The following ZNF92 variants were observed in gnomAD, a reference collection of about 807,000 sequenced individuals.
The protein encoded by ZNF92 is zinc finger protein 92, also known as epididymis luminal protein 203.
ZNF92 carries 11 observed loss-of-function variants against 12.4 expected under a neutral mutation model. That is an observed-to-expected ratio of 0.89 (90% CI 0.56 to 1.47). The LOEUF is 1.47. Ranked by LOEUF, ZNF92 falls within the 40% of genes most tolerant of loss-of-function variation. ZNF92 has a pLI of 0.00. For synonymous variants in ZNF92, 206 were observed against 228.6 expected (o/e 0.90, Z 0.89); for missense variants, 622 against 681.0 (o/e 0.91, Z 0.96).
At chr7:65,390,240 A>G (rs1316155308) in intron 3 of ZNF92, among the ~76,000 whole-genome samples, 1 of 152,100 alleles carries the variant, frequency 6.6e-6, no homozygotes, top group Non-Finnish European at 1.5e-5. Context: ...ACAAACAGCA[A>G]CTTTTTACCT....
rs926845534 is a variant in ZNF92 at position 65,385,816 on chromosome 7, A to G, written c.4-2086A>G. Among the ~76,000 whole-genome samples, 2 of 152,086 alleles carry G rather than the reference A, an allele frequency of 1.3e-5. 1 individual carries two copies. Among genetic ancestry groups the G allele is most frequent in the African/African-American group, 4.8e-5 (2 of 41,392 alleles). Reference sequence around the variant, plus strand: ...ATTTCTCCAGAGAATCATCTGAGAAAGAATCCCAGAGCAGGAAGAGAAAGA... The same window carrying G: ...ATTTCTCCAGAGAATCATCTGAGAAGGAATCCCAGAGCAGGAAGAGAAAGA... On this transcript the variant is annotated intron_variant, in intron 1 of 3. Coordinates refer to ENST00000328747, the MANE Select transcript of ZNF92 (RefSeq NM_152626.4).
chr7:65,398,316 A>G (rs144277712), intron 3 of ZNF92, 25 bp from the exon 4 acceptor site: 15 of 1,491,292 alleles, frequency 1.0e-5, no homozygotes, highest in East Asian at 2.3e-5. Context: ...TAAGTGAAGT[A>G]ACTTGTTATT....
chr7:65,376,549 C>A (rs748089302), intron 1 of ZNF92, among the ~76,000 whole-genome samples: 1 of 152,056 alleles, frequency 6.6e-6, no homozygotes, highest in Non-Finnish European at 1.5e-5. Context: ...CAGGTTCAAG[C>A]GATTCTGCTG....
chr7:65,400,851 G>A lies in ZNF92; in HGVS notation c.*976G>A, dbSNP rs1793995280. ...GAGATATGAGAGATTCTTTTTTATA[G>A]GTGGGCATTATTTATGCCCCTTTCT... On this transcript the variant is annotated 3_prime_UTR_variant, in exon 4 of 4. Coordinates refer to ENST00000328747, the MANE Select transcript of ZNF92 (RefSeq NM_152626.4). 1 of 151,782 alleles carries A rather than the reference G, an allele frequency of 6.6e-6. No homozygotes were observed. The highest frequency in any genetic ancestry group is 1.5e-5 in the Non-Finnish European group (1 of 67,846). 9.4% of individuals were successfully genotyped at this position (151,782 alleles called of 1,614,324 possible).
chr7:65,395,796 C>A (rs546100129), intron 3 of ZNF92, among the ~76,000 whole-genome samples: 1 of 152,104 alleles, frequency 6.6e-6, no homozygotes, highest in Non-Finnish European at 1.5e-5. Context: ...ATTATGACTG[C>A]CTCACCCAAT....
chr7:65,394,154 G>A (rs13239774), intron 3 of ZNF92, among the ~76,000 whole-genome samples: 16,545 of 151,950 alleles, frequency 0.11, 1,126 homozygotes, highest in South Asian at 0.19. Flanking sequence ...CAAGACCAAT[G>A]TAATGTCTTT....
intron 1 of ZNF92, among the ~76,000 whole-genome samples, chr7:65,374,213 C>T (rs1431417782): frequency 6.6e-6 from 1 of 152,108 alleles, no homozygotes; most frequent in Non-Finnish European, 1.5e-5. Flanking sequence ...CTCCTCCCTG[C>T]GCAGTGACTG....
intron 3 of ZNF92, among the ~76,000 whole-genome samples, chr7:65,397,026 T>G (rs1466463319): frequency 6.6e-6 from 1 of 152,060 alleles, no homozygotes; most frequent in Non-Finnish European, 1.5e-5. Flanking sequence ...TTTTTCTATA[T>G]TCTTCTAAGA....
chr7:65,381,195 G>A (rs548204487), intron 1 of ZNF92, among the ~76,000 whole-genome samples: 2 of 151,734 alleles, frequency 1.3e-5, no homozygotes, highest in African/African-American at 4.8e-5. Flanking sequence ...ATTTTTTTTA[G>A]TAGAGACGGG....
At chr7:65,376,551 A>AT (rs1793243847) in intron 1 of ZNF92, among the ~76,000 whole-genome samples, 1 of 152,006 alleles carries the variant, frequency 6.6e-6, no homozygotes, top group South Asian at 2.1e-4. Context: ...GGTTCAAGCG[A>AT]TTCTGCTGCC....
chr7:65,380,021 C>T (rs531872345), intron 1 of ZNF92, among the ~76,000 whole-genome samples: 24 of 152,032 alleles, frequency 1.6e-4, no homozygotes, highest in African/African-American at 5.3e-4. Flanking sequence ...TGTCCTGCCA[C>T]CCTCTACCCT....
intron 1 of ZNF92, among the ~76,000 whole-genome samples, chr7:65,374,962 CGCATTA>C (rs1281549055): frequency 6.6e-6 from 1 of 152,076 alleles, no homozygotes; most frequent in African/African-American, 2.4e-5. Context: ...CTCCCTAATT[CGCATTA>C]GCAAGTGTGT....
intron 1 of ZNF92, among the ~76,000 whole-genome samples, chr7:65,380,836 C>T (rs1431751357): frequency 6.6e-6 from 1 of 151,988 alleles, no homozygotes; most frequent in Non-Finnish European, 1.5e-5. Flanking sequence ...TTCTCTTTAC[C>T]CTGCAACTTT....
In ZNF92 at chr7:65,395,276, A is replaced by G. The variant is rs568115588; in HGVS notation, c.227-3065A>G. ...CACTGTGTTGCCCAGGCTGGCCTCA[A>G]ACTTCTGGCTTTAAGTCATCCTCCC... On this transcript the variant is annotated intron_variant, in intron 3 of 3. Coordinates refer to ENST00000328747, the MANE Select transcript of ZNF92 (RefSeq NM_152626.4). Among the ~76,000 whole-genome samples the G allele has an allele frequency of 1.8e-4, 28 of 152,154 alleles. No homozygotes were observed. The South Asian group carries it at 5.6e-3, about 30-fold the overall frequency.
intron 1 of ZNF92, among the ~76,000 whole-genome samples, chr7:65,377,393 G>A (rs1327732143): frequency 6.6e-6 from 1 of 152,012 alleles, no homozygotes; most frequent in Non-Finnish European, 1.5e-5. Flanking sequence ...ACTGAGAGAA[G>A]CTACAGAGCC....
Position 65,373,880 on chromosome 7 carries a change from C to A in ZNF92, c.-118C>A, listed in dbSNP as rs932817145. The A allele has an allele frequency of 1.4e-6, 2 of 1,423,136 alleles. No homozygotes were observed. Among genetic ancestry groups the A allele is most frequent in the East Asian group, 2.3e-5 (1 of 43,770 alleles). 88.2% of individuals were successfully genotyped at this position (1,423,136 alleles called of 1,614,324 possible). On this transcript the variant is annotated 5_prime_UTR_variant, in exon 1 of 4. Transcript: ENST00000328747. ...GTCTCTCGCTGCAGCCGGCGCTCCA[C>A]GTCTAGTCTTCACTGCTCTGCGTCC...
At chr7:65,397,193 C>G (rs138929807) in intron 3 of ZNF92, among the ~76,000 whole-genome samples, 1 of 152,082 alleles carries the variant, frequency 6.6e-6, no homozygotes, top group Non-Finnish European at 1.5e-5. Context: ...AGAGTATGCA[C>G]ATAAATGATG....
intron 1 of ZNF92, among the ~76,000 whole-genome samples, chr7:65,377,360 C>G (rs964833296): frequency 1.1e-4 from 16 of 151,932 alleles, no homozygotes; most frequent in Non-Finnish European, 2.2e-4. Flanking sequence ...CCTGCTCACC[C>G]CAGCCATAGA....
Position 65,384,143 on chromosome 7 carries a change from A to G in ZNF92, c.4-3759A>G, listed in dbSNP as rs192956870. Among the ~76,000 whole-genome samples the G allele has an allele frequency of 6.2e-4, 95 of 152,318 alleles. 1 individual carries two copies. The East Asian group carries it at 0.017, about 27-fold the overall frequency. On this transcript the variant is annotated intron_variant, in intron 1 of 3. Transcript: ENST00000328747. ...ATTTATCTTCTAATACAATTATGCT[A>G]GAAAGCCCTAAGAGATTTGTTTAAA...
Sources: gnomAD v4.1 joint callset for allele counts (sites outside exome capture counted in the v4.1 genomes callset) on GRCh38, gnomAD v4.1.1 for gene constraint, MANE v1.5 for transcripts, NCBI Gene and HGNC (gene_info 2026-07-23, HGNC 2026-07-21) for gene names.